Variants in PRKCH observed in about 807,000 individuals in gnomAD.
The protein encoded by PRKCH is protein kinase C eta type.
PRKCH carries 28 observed loss-of-function variants against 82.5 expected under a neutral mutation model. The ratio of observed to expected loss-of-function variants is 0.34; its 90% CI spans 0.25 to 0.47. The LOEUF (loss-of-function observed/expected upper bound fraction) is 0.47. Among genes scored for constraint, PRKCH ranks in the 20% least tolerant of loss-of-function variants. The pLI is 1.00. For missense variants in PRKCH, 705 were observed against 881.8 expected (o/e 0.80, Z 2.54); for synonymous variants, 322 against 327.4 (o/e 0.98, Z 0.18).
At chr14:61,382,302 C>A (rs1288671027) in intron 1 of PRKCH, among the ~76,000 whole-genome samples, 1 of 152,074 alleles carries the variant, frequency 6.6e-6, no homozygotes, top group Admixed American at 6.5e-5. Context: ...TGGTGGTGTA[C>A]ACCCATAATC....
chr14:61,537,411 A>G (rs527321474), intron 12 of PRKCH: 3 of 152,346 alleles, frequency 2.0e-5, no homozygotes, highest in South Asian at 2.1e-4. Flanking sequence ...TCAACATGCC[A>G]TCAGGTTTCT....
chr14:61,414,348 C>T (rs1882444741), intron 2 of PRKCH, among the ~76,000 whole-genome samples: 1 of 150,924 alleles, frequency 6.6e-6, no homozygotes, highest in Non-Finnish European at 1.5e-5. Flanking sequence ...CCTTGGCTCA[C>T]TACATCCTCC....
At position 61,450,982 on chromosome 14, in the gene PRKCH, G is replaced by A. The variant is rs372642715; in HGVS notation, c.832+11G>A. 1 of 1,613,378 alleles carries A rather than the reference G, an allele frequency of 6.2e-7. No homozygotes were observed. Among genetic ancestry groups the A allele is most frequent in the Non-Finnish European group, 8.5e-7 (1 of 1,179,612 alleles). ...GACTTCAGTGTAAAAGTGAGATGCT[G>A]AGGTGCTGGGTACCCACCTCTTCAT... On this transcript the variant is annotated intron_variant, in intron 6 of 13. Coordinates refer to ENST00000332981, the MANE Select transcript of PRKCH (RefSeq NM_006255.5).
chr14:61,325,855 A>T (rs1020008704), intron 1 of PRKCH, among the ~76,000 whole-genome samples: 4 of 152,228 alleles, frequency 2.6e-5, no homozygotes, highest in African/African-American at 9.6e-5. Flanking sequence ...GCACATTAAA[A>T]GATGCTCAAA....
intron 1 of PRKCH, among the ~76,000 whole-genome samples, chr14:61,359,519 G>C (rs2140158932): frequency 6.6e-6 from 1 of 152,340 alleles, no homozygotes; most frequent in South Asian, 2.1e-4. Context: ...GGGAGATACT[G>C]CAGGTGTAAG....
intron 1 of PRKCH, among the ~76,000 whole-genome samples, chr14:61,199,730 G>A (rs1001904337): frequency 9.2e-5 from 14 of 152,140 alleles, no homozygotes; most frequent in African/African-American, 3.4e-4. Flanking sequence ...TGAAACATCA[G>A]GCGCTAGTTC....
chr14:61,538,145 A>C (rs963638074), intron 12 of PRKCH, among the ~76,000 whole-genome samples: 1 of 152,256 alleles, frequency 6.6e-6, no homozygotes, highest in Non-Finnish European at 1.5e-5. Context: ...CAGAGGATCC[A>C]ACCCCAGATC....
Position 61,487,502 on chromosome 14 carries a change from G to T in PRKCH, c.1433+1846G>T, listed in dbSNP as rs558616591. On this transcript the variant is annotated intron_variant, in intron 10 of 13. Coordinates refer to ENST00000332981, the MANE Select transcript of PRKCH (RefSeq NM_006255.5). The stretch of plus-strand genomic sequence containing the variant: ...CTGATGGTGAAGGGAGTTAAGCGTC[G>T]TCCTCATGCTATCAGACTCCAGGCA... Among the ~76,000 whole-genome samples the T allele has an allele frequency of 7.2e-5, 11 of 152,180 alleles. No individual in the cohort carries two copies. In the South Asian group the frequency reaches 2.3e-3, roughly 32 times the overall value.
At chr14:61,194,855 T>A (rs894026977) in intron 1 of PRKCH, among the ~76,000 whole-genome samples, 1 of 152,136 alleles carries the variant, frequency 6.6e-6, no homozygotes, top group Admixed American at 6.5e-5. Flanking sequence ...TGCCTCACCC[T>A]CCTGAGTAGC....
intron 1 of PRKCH, among the ~76,000 whole-genome samples, chr14:61,341,324 A>G (rs144042851): frequency 2.2e-4 from 34 of 152,336 alleles, no homozygotes; most frequent in African/African-American, 7.9e-4. Context: ...AGGAAGGAAG[A>G]TACTCCTTTG....
rs181118989 is a variant in PRKCH, at chr14:61,501,561, C to T, written c.1433+15905C>T. ...TTTTTGTTCATTTCATTTGTTATCC[C>T]TCAATTTCTGGCACAGGGCATGGCA... is the stretch of plus-strand genomic sequence containing the variant. On this transcript the variant is annotated intron_variant, in intron 10 of 13. Transcript: ENST00000332981. 2.6e-3 allele frequency among the ~76,000 whole-genome samples: 394 copies of T among 152,004 alleles called. 2 individuals are homozygous for T. Among genetic ancestry groups the T allele is most frequent in the African/African-American group, 3.6e-3 (150 of 41,434 alleles).
chr14:61,292,021 G>C (rs1211317355), intron 1 of PRKCH, among the ~76,000 whole-genome samples: 2 of 152,132 alleles, frequency 1.3e-5, no homozygotes, highest in African/African-American at 2.4e-5. Flanking sequence ...AGAACCTTGT[G>C]TAGAACATTG....
intron 12 of PRKCH, among the ~76,000 whole-genome samples, chr14:61,546,271 C>G (rs1281114675): frequency 6.6e-6 from 1 of 152,190 alleles, no homozygotes; most frequent in Non-Finnish European, 1.5e-5. Context: ...TGGGTGACCA[C>G]TGTAAGTGCC....
chr14:61,377,895 T>C (rs1361046406), intron 1 of PRKCH, among the ~76,000 whole-genome samples: 1 of 152,210 alleles, frequency 6.6e-6, no homozygotes, highest in Non-Finnish European at 1.5e-5. Context: ...TGTTAATCTC[T>C]ATCATTTTAC....
At chr14:61,326,151 C>T (rs1202421544) in intron 1 of PRKCH, among the ~76,000 whole-genome samples, 2 of 152,178 alleles carry the variant, frequency 1.3e-5, no homozygotes, top group Non-Finnish European at 1.5e-5. Context: ...CACGAGTGTT[C>T]ATAGCATCTT....
intron 9 of PRKCH, among the ~76,000 whole-genome samples, chr14:61,469,619 C>G (rs1243148873): frequency 6.6e-6 from 1 of 152,218 alleles, no homozygotes; most frequent in African/African-American, 2.4e-5. Flanking sequence ...AACCTGACTG[C>G]TTTGGATCAA....
At chr14:61,439,662 G>A (rs1331003083) in intron 2 of PRKCH, among the ~76,000 whole-genome samples, 1 of 150,168 alleles carries the variant, frequency 6.7e-6, no homozygotes, top group Admixed American at 6.6e-5. Context: ...GGCTGCTGTG[G>A]CAACAGTGGG....
At chr14:61,384,717 G>A (rs1201560650) in intron 1 of PRKCH, among the ~76,000 whole-genome samples, 2 of 152,006 alleles carry the variant, frequency 1.3e-5, no homozygotes, top group South Asian at 2.1e-4. Context: ...GAGGGTGCAC[G>A]TTGGGAATCA....
intron 2 of PRKCH, among the ~76,000 whole-genome samples, chr14:61,435,188 C>T (rs976225022): frequency 5.9e-5 from 9 of 152,178 alleles, no homozygotes; most frequent in South Asian, 2.1e-4. Context: ...ATACGCTTAT[C>T]GTTGGTTTCC....
Sources: gnomAD v4.1 joint callset for allele counts (sites outside exome capture counted in the v4.1 genomes callset) on GRCh38, gnomAD v4.1.1 for gene constraint, MANE v1.5 for transcripts, NCBI Gene and HGNC (gene_info 2026-07-23, HGNC 2026-07-21) for gene names.